SLCO2A1: variants seen among roughly 807,000 people sequenced by gnomAD.
The protein encoded by SLCO2A1 is solute carrier organic anion transporter family member 2A1.
Under a neutral mutation model 71.7 loss-of-function variants are expected in SLCO2A1, and 60 were observed. The observed-to-expected ratio is 0.84, with a 90% CI of 0.68 to 1.04. The LOEUF is 1.04. Ranked by LOEUF, SLCO2A1 falls within the 50% of genes least tolerant of loss-of-function variation. The pLI is 0.00. For missense variants in SLCO2A1, 745 were observed against 813.4 expected (o/e 0.92, Z 1.02); for synonymous variants, 308 against 326.7 (o/e 0.94, Z 0.62).
intron 3 of SLCO2A1, among the ~76,000 whole-genome samples, chr3:133,958,868 G>A (rs1278464284): frequency 1.3e-5 from 2 of 152,200 alleles, no homozygotes; most frequent in Admixed American, 6.5e-5. Context: ...TCAGGTTGTT[G>A]TCATTCACAA....
chr3:133,992,479 A>G (rs1312309378), intron 1 of SLCO2A1, among the ~76,000 whole-genome samples: 5 of 152,244 alleles, frequency 3.3e-5, no homozygotes, highest in African/African-American at 1.2e-4. Flanking sequence ...AGGCAGGCAG[A>G]AGAGGGCAGG....
intron 1 of SLCO2A1, among the ~76,000 whole-genome samples, chr3:134,020,551 G>C (rs764905924): frequency 1.4e-4 from 21 of 152,234 alleles, no homozygotes; most frequent in Non-Finnish European, 2.8e-4. Flanking sequence ...CAACGCAGTG[G>C]CTGAACACCA....
At chr3:133,950,350 C>G (rs1401080810) in intron 6 of SLCO2A1, among the ~76,000 whole-genome samples, 1 of 152,132 alleles carries the variant, frequency 6.6e-6, no homozygotes, top group Non-Finnish European at 1.5e-5. Context: ...GGACTTGAAG[C>G]CTAGGCATAA....
At chr3:133,985,909 T>C (rs1318086953) in intron 1 of SLCO2A1, among the ~76,000 whole-genome samples, 6 of 152,206 alleles carry the variant, frequency 3.9e-5, no homozygotes, top group Non-Finnish European at 1.5e-5. Flanking sequence ...TTCTGATCAA[T>C]CTACAAGCCA....
At chr3:133,986,656 C>A (rs1934721462) in intron 1 of SLCO2A1, among the ~76,000 whole-genome samples, 2 of 152,148 alleles carry the variant, frequency 1.3e-5, no homozygotes, top group Admixed American at 1.3e-4. Flanking sequence ...AAAGAGAGAA[C>A]TTTTTACCAC....
chr3:133,970,702 C>CA (rs1392008076), intron 3 of SLCO2A1, among the ~76,000 whole-genome samples: 1 of 152,214 alleles, frequency 6.6e-6, no homozygotes. Flanking sequence ...GCACTTCCAG[C>CA]ATCTGCTTCT....
chr3:133,984,581 T>C (rs1325967005), intron 1 of SLCO2A1, among the ~76,000 whole-genome samples: 1 of 152,190 alleles, frequency 6.6e-6, no homozygotes, highest in Non-Finnish European at 1.5e-5. Flanking sequence ...GATGGGACCA[T>C]GACCTCGGCT....
intron 1 of SLCO2A1, among the ~76,000 whole-genome samples, chr3:134,011,078 C>T (rs1340516990): frequency 1.3e-5 from 2 of 152,050 alleles, no homozygotes; most frequent in African/African-American, 2.4e-5. Flanking sequence ...GATGGAGTCT[C>T]GCTCTGCTGT....
At chr3:133,992,467 C>T (rs895964179) in intron 1 of SLCO2A1, among the ~76,000 whole-genome samples, 17 of 152,214 alleles carry the variant, frequency 1.1e-4, no homozygotes, top group African/African-American at 4.1e-4. Context: ...CAGAAAAATT[C>T]CAGGCAGGCA....
chr3:133,979,650 C>T (rs1345409296), intron 1 of SLCO2A1, 32 bp from the exon 2 acceptor site: 3 of 1,572,870 alleles, frequency 1.9e-6, no homozygotes, highest in Admixed American at 1.8e-5. Flanking sequence ...CGTGAGGTTT[C>T]TGGACGACAA....
intron 2 of SLCO2A1, 116 bp from the exon 3 acceptor site, chr3:133,973,941 G>C (rs1166080751): frequency 2.0e-6 from 2 of 1,021,482 alleles, no homozygotes; most frequent in Non-Finnish European, 2.8e-6. Context: ...GCTGCCCAGT[G>C]TCAGCTGGGG....
chr3:134,016,458 A>C (rs552490035), intron 1 of SLCO2A1, among the ~76,000 whole-genome samples: 32 of 152,358 alleles, frequency 2.1e-4, no homozygotes, highest in African/African-American at 7.7e-4. Context: ...GCCATTAGGG[A>C]AATGCAAAAC....
chr3:133,987,835 C>G (rs1039808127), intron 1 of SLCO2A1, among the ~76,000 whole-genome samples: 5 of 152,246 alleles, frequency 3.3e-5, no homozygotes, highest in Non-Finnish European at 7.3e-5. Flanking sequence ...CTGAGACACA[C>G]AGCCGGTGAC....
intron 1 of SLCO2A1, among the ~76,000 whole-genome samples, chr3:133,995,605 G>A (rs1934948065): frequency 1.3e-5 from 2 of 152,076 alleles, no homozygotes; most frequent in African/African-American, 4.8e-5. Flanking sequence ...GTTCCTTCAG[G>A]GCACTGAGCC....
At chr3:134,015,598 T>C (rs1935433628) in intron 1 of SLCO2A1, among the ~76,000 whole-genome samples, 1 of 152,108 alleles carries the variant, frequency 6.6e-6, no homozygotes, top group African/African-American at 2.4e-5. Context: ...TGTCTCACCA[T>C]AAAAAATGAT....
chr3:134,020,296 C>T (rs988476588), intron 1 of SLCO2A1, among the ~76,000 whole-genome samples: 5 of 152,206 alleles, frequency 3.3e-5, no homozygotes, highest in Admixed American at 1.3e-4. Context: ...TTCTTCAACT[C>T]GGTGTCTGAG....
rs924622758 is a variant in SLCO2A1, at chr3:133,933,760, C to T, written c.*953G>A. ...GCCTCTCTACTCCTCGGAATACGGG[C>T]TGAAGTCCAGACAGGGAAGTGCATG... On this transcript the variant is annotated 3_prime_UTR_variant, in exon 14 of 14. Transcript: ENST00000310926. The T allele has an allele frequency of 3.3e-5, 5 of 152,356 alleles. No homozygotes were observed. Among genetic ancestry groups the T allele is most frequent in the African/African-American group, 9.6e-5 (4 of 41,574 alleles). The allele number at this position is 152,356 out of a possible 1,614,324, so 9.4% of individuals were successfully genotyped here.
chr3:133,943,904 C>G (rs539025769), intron 10 of SLCO2A1, among the ~76,000 whole-genome samples: 3 of 152,344 alleles, frequency 2.0e-5, no homozygotes, highest in African/African-American at 7.2e-5. Flanking sequence ...TGCCCATCCC[C>G]TCCATATGGG....
intron 1 of SLCO2A1, among the ~76,000 whole-genome samples, chr3:134,021,514 C>T (rs6802416): frequency 0.14 from 21,954 of 151,894 alleles, 1,796 homozygotes; most frequent in East Asian, 0.31. Flanking sequence ...CCCCAACACA[C>T]AGTGGTTGAG....
Sources: allele counts gnomAD v4.1 joint callset (sites outside exome capture counted in the v4.1 genomes callset), GRCh38; gene constraint gnomAD v4.1.1; transcripts MANE v1.5; gene names NCBI Gene and HGNC (gene_info 2026-07-23, HGNC 2026-07-21).